Variants in KDM1B observed in about 807,000 individuals in gnomAD.
KDM1B encodes the protein lysine-specific histone demethylase 2.
KDM1B carries 63 observed loss-of-function variants against 107.4 expected under a neutral mutation model. The ratio of observed to expected loss-of-function variants is 0.59; its 90% CI spans 0.48 to 0.72. The LOEUF (loss-of-function observed/expected upper bound fraction) is 0.72, where lower values mean the gene tolerates loss of function less well. Ranked by LOEUF, KDM1B falls within the 30% of genes least tolerant of loss-of-function variation. The probability of loss-of-function intolerance (pLI) is 0.00; values close to 1 mark genes in which losing one functional copy is unlikely to be tolerated. For missense variants in KDM1B, 749 were observed against 1,020.8 expected (o/e 0.73, Z 3.63); for synonymous variants, 363 against 363.9 (o/e 1.00, Z 0.03).
intron 4 of KDM1B, among the ~76,000 whole-genome samples, chr6:18,161,762 A>C (rs1181437229): frequency 6.6e-6 from 1 of 152,118 alleles, no homozygotes; most frequent in Non-Finnish European, 1.5e-5. Flanking sequence ...GTGGTGAGAC[A>C]GTAGAGAGAA....
At chr6:18,176,430 T>C (rs1786013952) in intron 7 of KDM1B, among the ~76,000 whole-genome samples, 2 of 152,162 alleles carry the variant, frequency 1.3e-5, no homozygotes. Flanking sequence ...TCTTTACCGA[T>C]TTGGATGCCC....
intron 6 of KDM1B, 34 bp downstream of exon 6, chr6:18,166,412 T>C (rs368926193): frequency 1.2e-5 from 15 of 1,242,628 alleles, no homozygotes; most frequent in Non-Finnish European, 1.5e-5. Context: ...CTGTGAAGTA[T>C]TTGTGGAGCC....
intron 15 of KDM1B, among the ~76,000 whole-genome samples, chr6:18,207,197 A>T (rs185431984): frequency 6.6e-6 from 1 of 152,092 alleles, no homozygotes; most frequent in East Asian, 1.9e-4. Context: ...AGTCATATGG[A>T]CCTTTTGTTC....
chr6:18,217,488 C>T (rs185448638), intron 20 of KDM1B, among the ~76,000 whole-genome samples: 1 of 151,574 alleles, frequency 6.6e-6, no homozygotes, highest in African/African-American at 2.4e-5. Context: ...ACGCCATTCT[C>T]CTGACTCAGC....
rs201731177 is a variant in KDM1B, at chr6:18,215,105, G to A, written c.2208G>A (p.Thr736=). 2.5e-5 allele frequency: 41 copies of A among 1,613,094 alleles called. No individual in the cohort carries two copies. The highest frequency in any genetic ancestry group is 1.1e-4 in the African/African-American group (8 of 75,008). ...DKQVLQQCMA[T]LRELFKEQEV... ...AGGTGCTGCAGCAGTGCATGGCCAC[G>A]CTCCGGGAGCTGTTCAAGGAGCAGG... Residue 736 remains threonine, a synonymous_variant, in exon 20 of 22, where the codon ACG becomes ACA. Coordinates refer to ENST00000650836, the MANE Select transcript of KDM1B (RefSeq NM_001364614.2).
intron 3 of KDM1B, among the ~76,000 whole-genome samples, chr6:18,160,566 G>A (rs967000846): frequency 9.9e-5 from 15 of 152,024 alleles, no homozygotes; most frequent in Admixed American, 3.3e-4. Context: ...GTGAAACCCC[G>A]TCTCTACTAA....
rs1787951094 is a variant in KDM1B, at chr6:18,200,307, TG to T, written c.1222-131del. 6 of 935,366 alleles carry T rather than the reference TG, an allele frequency of 6.4e-6. No individual in the cohort carries two copies. Among genetic ancestry groups the T allele is most frequent in the Non-Finnish European group, 9.5e-6 (6 of 632,942 alleles). 57.9% of individuals were successfully genotyped at this position (935,366 alleles called of 1,614,324 possible). ...CTTCACACTGCCTGCTTTTTAAAGT[TG>T]TTTTTTTAGAAATATTTGGAATTAA... On this transcript the variant is annotated intron_variant, in intron 12 of 21. Coordinates refer to ENST00000650836, the MANE Select transcript of KDM1B (RefSeq NM_001364614.2). The surrounding 1 kb of genome is among the most constrained non-coding windows in gnomAD (Gnocchi z 4.3).
At chr6:18,188,655 C>T (rs891858183) in intron 9 of KDM1B, among the ~76,000 whole-genome samples, 7 of 152,060 alleles carry the variant, frequency 4.6e-5, no homozygotes, top group Non-Finnish European at 1.0e-4. Flanking sequence ...ACTCTGTTGC[C>T]CAGACTGTAG....
intron 10 of KDM1B, among the ~76,000 whole-genome samples, chr6:18,193,473 ATTTTTTT>A (rs201031871): frequency 6.9e-6 from 1 of 145,600 alleles, no homozygotes; most frequent in Admixed American, 6.9e-5. Context: ...TGCCCAGCTA[ATTTTTTT>A]TTTTAGAGAT....
rs563561229 is a variant in KDM1B, at chr6:18,220,479, G to C, written c.2386-1430G>C. On this transcript the variant is annotated intron_variant, in intron 21 of 21. Coordinates refer to ENST00000650836, the MANE Select transcript of KDM1B (RefSeq NM_001364614.2). Reference sequence around the variant, plus strand: ...TAGAATCGCTTGAACCTGGGAGGCGGAGGTTGCAGTGAGCCAAGATCACGC... The same window carrying C: ...TAGAATCGCTTGAACCTGGGAGGCGCAGGTTGCAGTGAGCCAAGATCACGC... 1.2e-4 allele frequency among the ~76,000 whole-genome samples: 18 copies of C among 152,296 alleles called. No homozygotes were observed. The East Asian group carries it at 3.3e-3, about 28-fold the overall frequency.
chr6:18,164,021 G>T (rs1785131947), intron 5 of KDM1B, among the ~76,000 whole-genome samples: 1 of 152,082 alleles, frequency 6.6e-6, no homozygotes, highest in South Asian at 2.1e-4. Flanking sequence ...TGATCTTTCA[G>T]TTACTAAGAA....
intron 9 of KDM1B, among the ~76,000 whole-genome samples, chr6:18,190,883 G>T (rs949437831): frequency 1.4e-5 from 2 of 147,994 alleles, no homozygotes; most frequent in Non-Finnish European, 3.0e-5. Context: ...CTGGGCAACA[G>T]AGCAAGACTC....
chr6:18,222,179 A>T lies in KDM1B; in HGVS notation c.*187A>T. 1 of 694,906 alleles carries T rather than the reference A, an allele frequency of 1.4e-6. No individual in the cohort carries two copies. Among genetic ancestry groups the T allele is most frequent in the Non-Finnish European group, 2.6e-6 (1 of 379,204 alleles). 43.0% of individuals were successfully genotyped at this position (694,906 alleles called of 1,614,324 possible). A position where few individuals can be genotyped will look rare whatever the true frequency, so the allele number is the denominator to read the frequency against. On this transcript the variant is annotated 3_prime_UTR_variant, in exon 22 of 22. Coordinates refer to ENST00000650836, the MANE Select transcript of KDM1B (RefSeq NM_001364614.2). ...AGCACTGACCTCAAAAAACCTTATA[A>T]GCACTTAGATTTAATTGCATTTTCC...
chr6:18,190,484 C>T (rs1340669384), intron 9 of KDM1B, among the ~76,000 whole-genome samples: 1 of 151,836 alleles, frequency 6.6e-6, no homozygotes, highest in Non-Finnish European at 1.5e-5. Flanking sequence ...CGCCTGTAGT[C>T]CCAGCTACTC....
intron 17 of KDM1B, among the ~76,000 whole-genome samples, chr6:18,208,560 G>C (rs1402741826): frequency 7.8e-6 from 1 of 128,144 alleles, no homozygotes; most frequent in African/African-American, 2.9e-5. Flanking sequence ...CTACTTTTAG[G>C]ATTAAATAGG....
intron 5 of KDM1B, among the ~76,000 whole-genome samples, chr6:18,163,730 C>T (rs1785113749): frequency 6.6e-6 from 1 of 152,128 alleles, no homozygotes; most frequent in Non-Finnish European, 1.5e-5. Context: ...GGGACACCTC[C>T]AGCAATTTTT....
intron 9 of KDM1B, among the ~76,000 whole-genome samples, chr6:18,188,879 G>A (rs988997718): frequency 6.6e-6 from 1 of 151,872 alleles, no homozygotes; most frequent in Non-Finnish European, 1.5e-5. Context: ...CTCCTCCCAG[G>A]TTCAAGCGAT....
In KDM1B at chr6:18,197,166, G is replaced by A; in HGVS notation, c.1079G>A (p.Gly360Asp). ...ATACTGTATTTTATGACCAGAAAAG[G>A]TCTCATCAACACTGGAGTTCTCAGC... ...ERILYFMTRKGLINTGVLSVG... is the reference protein window; with the variant it reads ...ERILYFMTRKDLINTGVLSVG... Residue 360 changes from glycine to aspartate, a missense_variant, in exon 11 of 22, where the codon GGT becomes GAT. By Grantham distance (94) the Gly-to-Asp change is moderately conservative. Coordinates refer to ENST00000650836, the MANE Select transcript of KDM1B (RefSeq NM_001364614.2). This position sits in a 1 kb window ranked among gnomAD's most constrained non-coding sequence, Gnocchi z 4.5. The A allele has an allele frequency of 6.2e-7, 1 of 1,614,082 alleles. No homozygotes were observed. The highest frequency in any genetic ancestry group is 8.5e-7 in the Non-Finnish European group (1 of 1,180,014).
rs74768937 is a variant in KDM1B, at chr6:18,163,869, G to A, written c.305+945G>A. 2.6e-3 allele frequency among the ~76,000 whole-genome samples: 390 copies of A among 152,234 alleles called. 3 individuals carry two copies. The highest frequency in any genetic ancestry group is 9.0e-3 in the African/African-American group (374 of 41,546). ...GTGTATCTTGGTAAATGTCCTGCAT[G>A]CAGTGGAGAAAAATGTGTATTTTGC... is the stretch of plus-strand genomic sequence containing the variant. On this transcript the variant is annotated intron_variant, in intron 5 of 21. Transcript: ENST00000650836.
Sources: gnomAD v4.1 joint callset for allele counts (sites outside exome capture counted in the v4.1 genomes callset) on GRCh38, gnomAD v4.1.1 for gene constraint, Gnocchi (gnomAD v3.1) non-coding constraint, MANE v1.5 for transcripts, NCBI Gene and HGNC (gene_info 2026-07-23, HGNC 2026-07-21) for gene names.